GPM6A: variants seen among roughly 807,000 people sequenced by gnomAD.
GPM6A encodes glycoprotein M6A.
A neutral mutation model predicts 32.1 loss-of-function variants in GPM6A; 7 were observed. That is an observed-to-expected ratio of 0.22 (90% confidence interval 0.12 to 0.41). GPM6A has a LOEUF of 0.41. Among genes scored for constraint, GPM6A ranks in the 10% least tolerant of loss-of-function variants. The probability of loss-of-function intolerance (pLI) is 1.00; values close to 1 mark genes in which losing one functional copy is unlikely to be tolerated. For synonymous variants in GPM6A, 130 were observed against 123.4 expected, an observed-to-expected ratio of 1.05 and a Z score of -0.35; for missense variants, 235 against 347.2, an observed-to-expected ratio of 0.68 and a Z score of 2.57.
chr4:175,677,148 T>A (rs1476700988), intron 2 of GPM6A, among the ~76,000 whole-genome samples: 1 of 152,200 alleles, frequency 6.6e-6, no homozygotes, highest in African/African-American at 2.4e-5. Flanking sequence ...TTGTTGTTTT[T>A]AATAACATAG....
intron 1 of GPM6A, among the ~76,000 whole-genome samples, chr4:175,863,394 C>T (rs1736630645): frequency 6.6e-6 from 1 of 152,030 alleles, no homozygotes; most frequent in South Asian, 2.1e-4. Flanking sequence ...TTATCAATGA[C>T]ACTGTACATA....
intron 1 of GPM6A, among the ~76,000 whole-genome samples, chr4:175,881,827 A>T (rs1184281753): frequency 1.3e-5 from 2 of 150,476 alleles, no homozygotes; most frequent in African/African-American, 4.9e-5. Flanking sequence ...AACATCACAC[A>T]CTGGGGCCTG....
intron 2 of GPM6A, among the ~76,000 whole-genome samples, chr4:175,695,878 T>C (rs1384075091): frequency 6.6e-6 from 1 of 152,146 alleles, no homozygotes; most frequent in Non-Finnish European, 1.5e-5. Flanking sequence ...TTGTGGGGAC[T>C]GGTGGGAAGT....
intron 1 of GPM6A, among the ~76,000 whole-genome samples, chr4:175,907,921 A>T (rs1215903004): frequency 6.6e-6 from 1 of 152,140 alleles, no homozygotes; most frequent in Admixed American, 6.6e-5. Flanking sequence ...GTCTTTTGTT[A>T]TAGGGGCCTC....
intron 1 of GPM6A, among the ~76,000 whole-genome samples, chr4:175,862,870 G>A (rs187133265): frequency 1.3e-5 from 2 of 152,010 alleles, no homozygotes; most frequent in Non-Finnish European, 2.9e-5. Flanking sequence ...GGTTGCTGTT[G>A]CGAATAGGGT....
At chr4:175,758,035 A>G (rs1732598242) in intron 1 of GPM6A, among the ~76,000 whole-genome samples, 1 of 152,196 alleles carries the variant, frequency 6.6e-6, no homozygotes, top group Non-Finnish European at 1.5e-5. Context: ...GTGCCATCAC[A>G]CAATGGAAGA....
chr4:175,816,844 T>C (rs1394725640), upstream of GPM6A, among the ~76,000 whole-genome samples: 2 of 143,606 alleles, frequency 1.4e-5, no homozygotes, highest in Non-Finnish European at 3.0e-5. Flanking sequence ...TTTCATAACA[T>C]TTTCTTTTCT....
At position 175,806,567 on chromosome 4, in the gene GPM6A, G is replaced by T. The variant is rs545964238; in HGVS notation, c.37+5624C>A. On this transcript the variant is annotated intron_variant, in intron 1 of 6. Coordinates refer to ENST00000393658, the MANE Select transcript of GPM6A (RefSeq NM_201591.3). ...AACCATAATTAGCAACTGATCCAAG[G>T]AAAATATAAAATGACAAAATTCTAA... Among the ~76,000 whole-genome samples, 303 of 152,282 alleles carry T rather than the reference G, an allele frequency of 2.0e-3. 1 individual carries two copies. Among genetic ancestry groups the T allele is most frequent in the Non-Finnish European group, 3.9e-3 (264 of 68,012 alleles).
intron 1 of GPM6A, among the ~76,000 whole-genome samples, chr4:175,823,021 A>G (rs1182922123): frequency 6.6e-6 from 1 of 152,206 alleles, no homozygotes; most frequent in Admixed American, 6.5e-5. Flanking sequence ...TGTTATAGAC[A>G]TTGGGCTGGC....
chr4:175,657,459 TTCTA>T (rs202043573), intron 3 of GPM6A, among the ~76,000 whole-genome samples: 4,562 of 152,202 alleles, frequency 0.03, 95 homozygotes, highest in South Asian at 0.054. Context: ...TAAGAACTCT[TTCTA>T]TATTGGAATC....
Position 175,850,830 on chromosome 4 carries a change from A to G in GPM6A, c.-22-38581T>C, listed in dbSNP as rs932574504. ...GTATGTATTTACATTTTTCGTATGT[A>G]TTATATAAATACAATATTATATATG... On this transcript the variant is annotated intron_variant, in intron 1 of 7. Coordinates refer to the GPM6A transcript ENST00000280187. Among the ~76,000 whole-genome samples, 4 of 150,278 alleles carry G rather than the reference A, an allele frequency of 2.7e-5. No individual in the cohort carries two copies. In the South Asian group the frequency reaches 6.2e-4, roughly 23 times the overall value.
At chr4:175,867,210 C>T (rs1207032706) in intron 1 of GPM6A, among the ~76,000 whole-genome samples, 1 of 152,146 alleles carries the variant, frequency 6.6e-6, no homozygotes, top group East Asian at 1.9e-4. Flanking sequence ...CTTGTCTTCT[C>T]TTTCTCTTGA....
chr4:175,861,358 T>C (rs1431875604), intron 1 of GPM6A, among the ~76,000 whole-genome samples: 1 of 151,492 alleles, frequency 6.6e-6, no homozygotes, highest in African/African-American at 2.4e-5. Context: ...ATAAATTATA[T>C]AGCTACGCAT....
chr4:175,709,299 G>GTC (rs754041265), intron 1 of GPM6A, among the ~76,000 whole-genome samples: 38 of 134,988 alleles, frequency 2.8e-4, no homozygotes, highest in East Asian at 6.4e-4. Context: ...TTCTCTCTCT[G>GTC]TCTCTCTCTC....
rs57574939 is a variant in GPM6A, at chr4:175,708,363, T to TTTTATTTATTTA, written c.38-6608_38-6597dup. 7.7e-3 allele frequency among the ~76,000 whole-genome samples: 1,094 copies of TTTTATTTATTTA among 142,254 alleles called. 13 individuals are homozygous for TTTTATTTATTTA. Among genetic ancestry groups the TTTTATTTATTTA allele is most frequent in the South Asian group, 0.017 (75 of 4,360 alleles). 93.3% of individuals were successfully genotyped at this position (142,254 alleles called of 152,430 possible). A position where few individuals can be genotyped will look rare whatever the true frequency, so the allele number is the denominator to read the frequency against. On this transcript the variant is annotated intron_variant, in intron 1 of 6. Transcript: ENST00000393658. ...AAGAGGCTATCTGGGAGAAGGTTTA[T>TTTTATTTATTTA]TTTATTTATTTATTTATTTATTTAT...
chr4:175,858,188 A>G (rs1736470433), intron 1 of GPM6A, among the ~76,000 whole-genome samples: 1 of 152,206 alleles, frequency 6.6e-6, no homozygotes, highest in Admixed American at 6.5e-5. Context: ...TAAGTTATTA[A>G]GGAAATGAAT....
chr4:175,831,718 T>TTC (rs1444937442), intron 1 of GPM6A, among the ~76,000 whole-genome samples: 1 of 132,584 alleles, frequency 7.5e-6, no homozygotes, highest in Non-Finnish European at 1.6e-5. Context: ...GCCATCTCTT[T>TTC]TTTTTTTTTT....
intron 1 of GPM6A, among the ~76,000 whole-genome samples, chr4:175,970,605 A>G (rs931901155): frequency 1.3e-5 from 2 of 152,156 alleles, no homozygotes; most frequent in African/African-American, 4.8e-5. Context: ...TTCTTTCCTC[A>G]TTCAAATTAG....
chr4:175,885,981 A>G (rs1379178894), intron 1 of GPM6A, among the ~76,000 whole-genome samples: 1 of 151,734 alleles, frequency 6.6e-6, no homozygotes, highest in Non-Finnish European at 1.5e-5. Flanking sequence ...ACAGCATGAA[A>G]AGATAAAACG....
Sources: allele counts gnomAD v4.1 joint callset (sites outside exome capture counted in the v4.1 genomes callset), GRCh38; gene constraint gnomAD v4.1.1; transcripts MANE v1.5; gene names NCBI Gene and HGNC (gene_info 2026-07-23, HGNC 2026-07-21).